The following ZNF185 variants were observed in gnomAD, a reference collection of about 807,000 sequenced individuals.
The protein encoded by ZNF185 is zinc finger protein 185.
Under a neutral mutation model 58.6 loss-of-function variants are expected in ZNF185, and 56 were observed. The observed-to-expected ratio is 0.95, with a 90% CI of 0.77 to 1.19. ZNF185 has a LOEUF of 1.19. ZNF185 is among the 50% of genes most tolerant of loss of function. ZNF185 has a pLI of 0.00. For missense variants in ZNF185, 627 were observed against 573.5 expected (o/e 1.09, Z -0.95); for synonymous variants, 230 against 215.9 (o/e 1.07, Z -0.57).
chrX:152,966,973 G>C (rs935977669), intron 19 of ZNF185, among the ~76,000 whole-genome samples, 194 bp from the exon 22 acceptor site: 17 of 111,132 alleles, frequency 1.5e-4, no homozygotes, highest in South Asian at 7.7e-4. Context: ...TAGCCACCCA[G>C]CCCCGATCAT....
At chrX:152,968,602 G>A (rs1309668084) in intron 20 of ZNF185, among the ~76,000 whole-genome samples, 3 of 112,796 alleles carry the variant, frequency 2.7e-5, no homozygotes, top group East Asian at 5.6e-4. Context: ...CAGCAGGATG[G>A]TGGGCCACAC....
intron 17 of ZNF185, among the ~76,000 whole-genome samples, chrX:152,962,312 G>A (rs782486955): frequency 1.8e-5 from 2 of 110,287 alleles, no homozygotes; most frequent in Admixed American, 9.6e-5. Flanking sequence ...TTTAAGAGGC[G>A]GTGTTTCACT....
In ZNF185 at chrX:152,936,301, T is replaced by C. The variant is rs1556881660; in HGVS notation, c.1122-1773T>C. The C allele has an allele frequency of 5.4e-6, 3 of 560,145 alleles. No individual in the cohort carries two copies. In the East Asian group the frequency reaches 1.1e-4, roughly 21 times the overall value. The allele number at this position is 560,145 out of a possible 1,213,427, so 46.2% of individuals were successfully genotyped here. A position where few individuals can be genotyped will look rare whatever the true frequency, so the allele number is the denominator to read the frequency against. ...ATAAATATTGTTCCTCAAGCATCCA[T>C]TTGAGCAGCTTCTTGGTCCTCATCA... On this transcript the variant is annotated intron_variant, in intron 14 of 22. Coordinates refer to ENST00000449285, the Ensembl canonical transcript of ZNF185.
Position 152,914,902 on chromosome X carries a change from C to A in ZNF185, c.158+69C>A, listed in dbSNP as rs1302476286. The stretch of plus-strand genomic sequence containing the variant: ...CGCAATCCGTGGGGGACCGACCATA[C>A]CTGGGGATGCGAAGGGGCTTCCACC... On this transcript the variant is annotated intron_variant, in intron 2 of 22. Transcript: ENST00000449285. 3.6e-6 allele frequency: 4 copies of A among 1,119,345 alleles called. No homozygotes were observed. In the African/African-American group the frequency reaches 5.5e-5, roughly 15 times the overall value. 92.2% of individuals were successfully genotyped at this position (1,119,345 alleles called of 1,213,427 possible).
chrX:152,931,527 G>A (rs1230171756), intron 12 of ZNF185, 145 bp from the exon 14 acceptor site: 1 of 440,097 alleles, frequency 2.3e-6, no homozygotes, highest in Non-Finnish European at 3.8e-6. Context: ...TCAAAATGCT[G>A]GGTTATAGGC....
exon 11 of ZNF185, chrX:152,922,750 G>A (rs1556870377): frequency 3.7e-5 from 44 of 1,201,711 alleles, no homozygotes; most frequent in Non-Finnish European, 4.8e-5. Context: ...AAGCGTCTCG[G>A]GCAATTTGGA....
chrX:152,901,185 A>G, the ZNF185 span, among the ~76,000 whole-genome samples: 1 of 111,598 alleles, frequency 9.0e-6, no homozygotes, highest in Admixed American at 9.4e-5. Context: ...CTTAATTCTT[A>G]GGGTGATTTC....
intron 19 of ZNF185, among the ~76,000 whole-genome samples, chrX:152,966,337 G>A (rs187468011): frequency 1.8e-5 from 2 of 111,367 alleles, no homozygotes; most frequent in Admixed American, 9.5e-5. Context: ...ATGTCACCTC[G>A]GTGTATTGCT....
intron 15 of ZNF185, among the ~76,000 whole-genome samples, chrX:152,942,839 A>G (rs972311714): frequency 9.0e-6 from 1 of 111,433 alleles, no homozygotes; most frequent in African/African-American, 3.3e-5. Flanking sequence ...GCAGTGGCTC[A>G]TACCCACCTG....
At chrX:152,901,984 T>C in the ZNF185 span, among the ~76,000 whole-genome samples, 7 of 112,214 alleles carry the variant, frequency 6.2e-5, no homozygotes, top group Admixed American at 4.7e-4. Flanking sequence ...GCTTTTCCTG[T>C]TGGGAGTGTG....
chrX:152,946,769 G>A (rs1603284614), intron 16 of ZNF185, among the ~76,000 whole-genome samples: 1 of 111,856 alleles, frequency 8.9e-6, no homozygotes, highest in African/African-American at 3.3e-5. Flanking sequence ...AGTGTATAGG[G>A]AACATCCAGT....
intron 20 of ZNF185, among the ~76,000 whole-genome samples, chrX:152,967,569 A>G (rs1169968176): frequency 8.9e-6 from 1 of 111,829 alleles, no homozygotes; most frequent in African/African-American, 3.3e-5. Context: ...TTAACTTGCA[A>G]ATCTAACCAG....
rs781949032 is a variant in ZNF185, at chrX:152,928,662, G to C, written c.917+1G>C. ...TGGCCCCAGACGTGGAAGGCATGAG[G>C]TATGGGGGTCCTGCTGCTGTCCTGG... On this transcript the variant is annotated splice_donor_variant, in intron 12 of 22. Transcript: ENST00000449285. LOFTEE classifies it high-confidence loss of function. 24 of 1,209,852 alleles carry C rather than the reference G, an allele frequency of 2.0e-5. No individual in the cohort carries two copies. Among genetic ancestry groups the C allele is most frequent in the Non-Finnish European group, 2.7e-5 (24 of 893,909 alleles).
At chrX:152,920,776 G>A in intron 9 of ZNF185, 28 bp downstream of exon 10, 2 of 1,209,552 alleles carry the variant, frequency 1.7e-6, no homozygotes, top group Admixed American at 2.2e-5. Context: ...ACACCTTGGA[G>A]GCCTGTTACT....
intron 15 of ZNF185, among the ~76,000 whole-genome samples, chrX:152,940,550 A>G (rs1260148734): frequency 1.8e-5 from 2 of 111,156 alleles, no homozygotes; most frequent in African/African-American, 6.6e-5. Context: ...CTGGGTTAAG[A>G]TAAGGGGTTG....
chrX:152,920,508 AC>A, intron 8 of ZNF185, 97 bp downstream of exon 9: 9 of 987,664 alleles, frequency 9.1e-6, no homozygotes, highest in Non-Finnish European at 1.1e-5. Context: ...TGGAGAGATC[AC>A]CCCCAAGGGC....
Position 152,938,083 on chromosome X carries a change from C to T in ZNF185, c.1131C>T (p.Ala377=), listed in dbSNP as rs1223719519. ...GTGTTTCCTTCCTCAGCTCCAGTGC[C>T]ACTTCAGTCTCTGCTGTCCCTGCTG... The change falls in exon 15 of 23, where the codon GCC becomes GCT. Residue 377 remains alanine (A), a synonymous_variant. Coordinates refer to ENST00000449285, the Ensembl canonical transcript of ZNF185. The T allele has an allele frequency of 5.9e-6, 7 of 1,177,282 alleles. 1 individual carries two copies. In the African/African-American group the frequency reaches 1.1e-4, roughly 18 times the overall value.
At chrX:152,917,257 C>T in intron 4 of ZNF185, 28 bp from the exon 6 acceptor site, 2 of 1,211,302 alleles carry the variant, frequency 1.7e-6, no homozygotes, top group South Asian at 3.5e-5. Context: ...CCAGGGAGCT[C>T]ACCGGCATCT....
At chrX:152,942,043 G>C (rs2047274874) in intron 15 of ZNF185, among the ~76,000 whole-genome samples, 1 of 112,085 alleles carries the variant, frequency 8.9e-6, no homozygotes, top group Non-Finnish European at 1.9e-5. Flanking sequence ...AGACAGGGAA[G>C]GCAGCTGGAC....
Sources: allele counts gnomAD v4.1 joint callset (sites outside exome capture counted in the v4.1 genomes callset), GRCh38; gene constraint gnomAD v4.1.1; transcripts MANE v1.5; gene names NCBI Gene and HGNC (gene_info 2026-07-23, HGNC 2026-07-21).